The following ROCK1 variants were observed in gnomAD, a reference collection of about 807,000 sequenced individuals.
ROCK1 encodes the protein rho-associated protein kinase 1.
Under a neutral mutation model 196.8 loss-of-function variants are expected in ROCK1, and 36 were observed. The ratio of observed to expected loss-of-function variants is 0.18; its 90% CI spans 0.14 to 0.24. ROCK1 has a LOEUF of 0.24. Among genes scored for constraint, ROCK1 ranks in the 10% least tolerant of loss-of-function variants. ROCK1 has a pLI of 1.00. For synonymous variants in ROCK1, 443 were observed against 515.9 expected (o/e 0.86, Z 1.91); for missense variants, 920 against 1,562.0 (o/e 0.59, Z 6.93).
At chr18:21,041,760 C>T (rs1210717985) in intron 8 of ROCK1, among the ~76,000 whole-genome samples, 3 of 152,012 alleles carry the variant, frequency 2.0e-5, no homozygotes, top group African/African-American at 4.8e-5. Context: ...GTGAGATGTA[C>T]TCTAATTTCA....
rs1329211220 is a variant in ROCK1 at position 20,949,891 on chromosome 18, CTTTT to C, written c.*1489_*1492del. ...ATTAAAGATACCCATCCATAAATTACTTTTATTTCTCATTAAATGAGCACAGAGT... is the reference window on the plus strand; with the variant it reads ...ATTAAAGATACCCATCCATAAATTACATTTCTCATTAAATGAGCACAGAGT... On this transcript the variant is annotated 3_prime_UTR_variant, in exon 33 of 33. Transcript: ENST00000399799. 1.3e-5 allele frequency: 2 copies of C among 152,630 alleles called. No individual in the cohort carries two copies. The highest frequency in any genetic ancestry group is 4.8e-5 in the African/African-American group (2 of 41,452). 9.5% of individuals were successfully genotyped at this position (152,630 alleles called of 1,614,324 possible).
chr18:20,965,943 T>C (rs573828966), intron 27 of ROCK1, among the ~76,000 whole-genome samples: 191 of 152,290 alleles, frequency 1.3e-3, no homozygotes, highest in African/African-American at 4.5e-3. Context: ...AAAGATACTA[T>C]AAAATTTTCT....
intron 16 of ROCK1, among the ~76,000 whole-genome samples, chr18:20,994,567 A>G (rs2035654378): frequency 6.6e-6 from 1 of 152,124 alleles, no homozygotes; most frequent in Non-Finnish European, 1.5e-5. Context: ...GTTCTAGGAG[A>G]AAATCTGTTT....
At chr18:21,028,667 A>T in intron 10 of ROCK1, 109 bp downstream of exon 10, 1 of 895,360 alleles carries the variant, frequency 1.1e-6, no homozygotes, top group Non-Finnish European at 1.6e-6. Flanking sequence ...AAAATTGCAT[A>T]ATAAGGTGTA....
intron 16 of ROCK1, among the ~76,000 whole-genome samples, chr18:20,998,344 T>C (rs540524521): frequency 5.9e-5 from 9 of 151,900 alleles, no homozygotes; most frequent in Non-Finnish European, 1.3e-4. Context: ...ATCAAAAAGG[T>C]AGAAAAAGTT....
chr18:21,043,581 T>C (rs2036128653), intron 6 of ROCK1, among the ~76,000 whole-genome samples: 1 of 148,356 alleles, frequency 6.7e-6, no homozygotes, highest in African/African-American at 2.5e-5. Flanking sequence ...ATAATGTATA[T>C]GTATATACAT....
intron 10 of ROCK1, among the ~76,000 whole-genome samples, chr18:21,025,926 G>A (rs925123775): frequency 4.6e-5 from 7 of 152,148 alleles, no homozygotes; most frequent in East Asian, 1.9e-4. Flanking sequence ...ACATGAATAC[G>A]AAGAAAAGCT....
In ROCK1 at chr18:20,950,396, T is replaced by G. The variant is rs1385734787; in HGVS notation, c.*988A>C. 1 of 152,578 alleles carries G rather than the reference T, an allele frequency of 6.6e-6. No homozygotes were observed. The highest frequency in any genetic ancestry group is 6.5e-5 in the Admixed American group (1 of 15,272). The allele number at this position is 152,578 out of a possible 1,614,324, so 9.5% of individuals were successfully genotyped here. The stretch of plus-strand genomic sequence containing the variant: ...ACACACATAATTTTTTGAAAATACA[T>G]TTTTTGAAATTTCTATACTTACTCA... On this transcript the variant is annotated 3_prime_UTR_variant, in exon 33 of 33. Transcript: ENST00000399799.
In ROCK1 at chr18:21,087,728, C is replaced by A. The variant is rs750862775; in HGVS notation, c.94-17115G>T. The stretch of plus-strand genomic sequence containing the variant: ...AAATAGACAAATCTACAATTTTAGT[C>A]GGCAACTTGAATACTTCTCTCTTAA... On this transcript the variant is annotated intron_variant, in intron 1 of 32. Coordinates refer to ENST00000399799, the MANE Select transcript of ROCK1 (RefSeq NM_005406.3). Among the ~76,000 whole-genome samples the A allele has an allele frequency of 2.0e-5, 3 of 152,110 alleles. No individual in the cohort carries two copies. In the East Asian group the frequency reaches 5.8e-4, roughly 29 times the overall value.
At chr18:21,056,459 G>A (rs2036245923) in intron 2 of ROCK1, among the ~76,000 whole-genome samples, 1 of 152,058 alleles carries the variant, frequency 6.6e-6, no homozygotes, top group Non-Finnish European at 1.5e-5. Flanking sequence ...TATCTTTCAG[G>A]AAAATATGTT....
At chr18:20,987,282 G>A in intron 18 of ROCK1, among the ~76,000 whole-genome samples, 172 bp from the exon 19 acceptor site, 1 of 152,222 alleles carries the variant, frequency 6.6e-6, no homozygotes. Flanking sequence ...TTATATAGCA[G>A]AAATCTCTAA....
chr18:21,017,695 G>A (rs992923681), intron 12 of ROCK1, among the ~76,000 whole-genome samples: 9 of 151,868 alleles, frequency 5.9e-5, no homozygotes, highest in East Asian at 2.0e-4. Flanking sequence ...GCAAGTGGCC[G>A]GGCGTGGTGG....
At chr18:21,045,527 C>T in intron 4 of ROCK1, 60 bp from the exon 5 acceptor site, 2 of 1,328,322 alleles carry the variant, frequency 1.5e-6, no homozygotes, top group Non-Finnish European at 2.0e-6. Flanking sequence ...AATTGTTTCA[C>T]TTAAAAAGTG....
intron 1 of ROCK1, among the ~76,000 whole-genome samples, chr18:21,092,538 C>G (rs113051738): frequency 4.9e-5 from 7 of 142,880 alleles, no homozygotes; most frequent in Admixed American, 2.9e-4. Flanking sequence ...GAGCCATGAT[C>G]GCACCACTGC....
At chr18:21,016,542 TTC>T (rs2035864240) in intron 12 of ROCK1, among the ~76,000 whole-genome samples, 2 of 152,218 alleles carry the variant, frequency 1.3e-5, no homozygotes, top group Non-Finnish European at 1.5e-5. Flanking sequence ...CAAAATGTAA[TTC>T]TGAGCTTCAA....
chr18:20,959,147 A>AAT (rs1491137444), intron 29 of ROCK1, among the ~76,000 whole-genome samples: 5 of 61,258 alleles, frequency 8.2e-5, no homozygotes, highest in African/African-American at 4.8e-4. Context: ...TATTATATAA[A>AAT]ATATATATAT....
rs2035290075 is a variant in ROCK1, at chr18:20,959,086, T to TTTATATAATATATATAATATTATATATA, written c.3512+753_3512+754insTATATATAATATTATATATATTATATAA. On this transcript the variant is annotated intron_variant, in intron 29 of 32. Transcript: ENST00000399799. ...ATTTTATATTATATAATATATATAT[T>TTTATATAATATATATAATATTATATATA]TTATATAATATATATATTATATATA... Among the ~76,000 whole-genome samples the TTTATATAATATATATAATATTATATATA allele has an allele frequency of 4.0e-4, 12 of 29,802 alleles. 1 individual carries two copies. The highest frequency in any genetic ancestry group is 3.0e-3 in the African/African-American group (12 of 3,980). 19.6% of individuals were successfully genotyped at this position (29,802 alleles called of 152,430 possible). A position where few individuals can be genotyped will look rare whatever the true frequency, so the allele number is the denominator to read the frequency against.
intron 2 of ROCK1, among the ~76,000 whole-genome samples, chr18:21,065,263 C>G (rs1354410631): frequency 1.3e-5 from 2 of 152,124 alleles, no homozygotes; most frequent in Non-Finnish European, 2.9e-5. Context: ...AAAAATTTAC[C>G]AACTGTACTG....
At chr18:21,081,027 A>AAG (rs956650532) in intron 1 of ROCK1, among the ~76,000 whole-genome samples, 40 of 152,060 alleles carry the variant, frequency 2.6e-4, no homozygotes, top group African/African-American at 8.7e-4. Context: ...ACAGATTATA[A>AAG]AGAGAGAGAG....
Sources: gnomAD v4.1 joint callset for allele counts (sites outside exome capture counted in the v4.1 genomes callset) on GRCh38, gnomAD v4.1.1 for gene constraint, MANE v1.5 for transcripts, NCBI Gene and HGNC (gene_info 2026-07-23, HGNC 2026-07-21) for gene names.